The following PXDN variants were observed in gnomAD, a reference collection of about 807,000 sequenced individuals.
PXDN encodes the protein peroxidasin homolog.
A neutral mutation model predicts 140.3 loss-of-function variants in PXDN; 77 were observed. The ratio of observed to expected loss-of-function variants is 0.55; its 90% CI spans 0.46 to 0.66. PXDN has a LOEUF of 0.66. Ranked by LOEUF, PXDN falls within the 30% of genes least tolerant of loss-of-function variation. PXDN has a pLI of 0.00. For missense variants in PXDN, 1,838 were observed against 2,039.5 expected, an observed-to-expected ratio of 0.90 and a Z score of 1.90; for synonymous variants, 911 against 857.4, an observed-to-expected ratio of 1.06 and a Z score of -1.09.
chr2:1,658,442 AACT>A (rs1297234264), intron 14 of PXDN, among the ~76,000 whole-genome samples: 1 of 151,520 alleles, frequency 6.6e-6, no homozygotes, highest in Non-Finnish European at 1.5e-5. Context: ...AGTGCAAGCC[AACT>A]ACTGCCAGGC....
chr2:1,685,269 C>A lies in PXDN; in HGVS notation c.417-1118G>T, dbSNP rs921765118. ...CCGGGACAGGTCTGTGCTCAGCACT[C>A]CGCGCACGAATGGGAAACGTGAGGG... On this transcript the variant is annotated intron_variant, in intron 4 of 22. Transcript: ENST00000252804. The surrounding 1 kb of genome is among the most constrained non-coding windows in gnomAD (Gnocchi z 5.1). 2.6e-5 allele frequency among the ~76,000 whole-genome samples: 4 copies of A among 152,246 alleles called. No individual in the cohort carries two copies. Among genetic ancestry groups the A allele is most frequent in the African/African-American group, 9.6e-5 (4 of 41,466 alleles).
At chr2:1,686,095 G>A (rs774966417) in intron 4 of PXDN, among the ~76,000 whole-genome samples, 4 of 152,184 alleles carry the variant, frequency 2.6e-5, no homozygotes, top group Non-Finnish European at 5.9e-5. Flanking sequence ...CCGATCCGGG[G>A]AAGGGGTGCA....
At chr2:1,658,298 A>G (rs1439964830) in intron 14 of PXDN, among the ~76,000 whole-genome samples, 2 of 151,692 alleles carry the variant, frequency 1.3e-5, no homozygotes, top group Non-Finnish European at 2.9e-5. Flanking sequence ...CGTGGCTCTC[A>G]CCACCCACTC....
chr2:1,699,755 C>T (rs990426778), intron 1 of PXDN, among the ~76,000 whole-genome samples: 3 of 152,116 alleles, frequency 2.0e-5, no homozygotes, highest in African/African-American at 7.2e-5. Flanking sequence ...AAGAGTTTGC[C>T]AATTTGCCAA....
Position 1,648,237 on chromosome 2 carries a change from C to A in PXDN, c.3543G>T (p.Ala1181=). The change falls in exon 17 of 23, where the codon GCG becomes GCT. Residue 1181 remains alanine (A), a synonymous_variant. Coordinates refer to ENST00000252804, the MANE Select transcript of PXDN (RefSeq NM_012293.3). This position sits in a 1 kb window ranked among gnomAD's most constrained non-coding sequence, Gnocchi z 8.9. ...TTTTCAGGTCCTCGAACGTGTGTGCCGCCGATAGATTGCAGTAGACCCTGT... is the reference window on the plus strand; with the variant it reads ...TTTTCAGGTCCTCGAACGTGTGTGCAGCCGATAGATTGCAGTAGACCCTGT... ...HDYRVYCNLS[A]AHTFEDLKNE... 1 of 1,613,898 alleles carries A rather than the reference C, an allele frequency of 6.2e-7. No individual in the cohort carries two copies. Among genetic ancestry groups the A allele is most frequent in the Non-Finnish European group, 8.5e-7 (1 of 1,179,862 alleles).
Position 1,677,009 on chromosome 2 carries a change from C to T in PXDN, c.766G>A (p.Asp256Asn). The T allele has an allele frequency of 6.2e-7, 1 of 1,611,624 alleles. No individual in the cohort carries two copies. The highest frequency in any genetic ancestry group is 8.5e-7 in the Non-Finnish European group (1 of 1,178,528). Residue 256 changes from aspartate to asparagine, a missense_variant, in exon 8 of 23, where the codon GAT becomes AAT. Transcript: ENST00000252804. ...PRITSEPQDA[D>N]VTSGNTVYFT... is the part of the protein sequence containing the mutation. ...TACACGGTGTTCCCCGAGGTCACATCTGCGTCCTGGGGCTCGGAGGTGATC... is the reference window on the plus strand; with the variant it reads ...TACACGGTGTTCCCCGAGGTCACATTTGCGTCCTGGGGCTCGGAGGTGATC...
In PXDN at chr2:1,679,273, T is replaced by C. The variant is rs937980567; in HGVS notation, c.730+920A>G. Among the ~76,000 whole-genome samples the C allele has an allele frequency of 3.4e-5, 5 of 148,260 alleles. No homozygotes were observed. The South Asian group carries it at 1.1e-3, about 32-fold the overall frequency. ...TGTGCGTGTGTGGTGTGTGTGTGGA[T>C]TGTATGTGCATGTGTGTGTGGATGG... is the stretch of plus-strand genomic sequence containing the variant. On this transcript the variant is annotated intron_variant, in intron 7 of 22. Coordinates refer to ENST00000252804, the MANE Select transcript of PXDN (RefSeq NM_012293.3).
chr2:1,668,639 A>T (rs1403876242), intron 9 of PXDN, among the ~76,000 whole-genome samples: 2 of 152,094 alleles, frequency 1.3e-5, no homozygotes, highest in East Asian at 3.8e-4. Context: ...AAGTGGGTTA[A>T]GGATATGAAC....
intron 1 of PXDN, among the ~76,000 whole-genome samples, chr2:1,725,320 A>G (rs1017795548): frequency 9.2e-5 from 14 of 152,214 alleles, no homozygotes; most frequent in African/African-American, 3.4e-4. Context: ...AAAACAAGCA[A>G]TGGGGAAAGG....
chr2:1,716,506 G>A (rs902723176), intron 1 of PXDN, among the ~76,000 whole-genome samples: 10 of 150,598 alleles, frequency 6.6e-5, no homozygotes, highest in South Asian at 4.2e-4. Flanking sequence ...CCAGGACTGC[G>A]GCAAGGACTG....
In PXDN at chr2:1,649,261, C is replaced by A. The variant is rs746533208; in HGVS notation, c.2519G>T (p.Arg840Leu). 2 of 1,613,116 alleles carry A rather than the reference C, an allele frequency of 1.2e-6. No homozygotes were observed. Among genetic ancestry groups the A allele is most frequent in the South Asian group, 2.2e-5 (2 of 90,980 alleles). The change falls in exon 17 of 23, where the codon CGC becomes CTC. Residue 840 changes from arginine (R) to leucine (L), a missense_variant. By Grantham distance (102) the Arg-to-Leu change is moderately radical. This residue lies in a region of PXDN where 850 missense variants were observed against 894.1 expected (regional missense o/e 0.95). Transcript: ENST00000252804. This position sits in a 1 kb window ranked among gnomAD's most constrained non-coding sequence, Gnocchi z 7.1. Reference sequence around the variant, plus strand: ...GCTGCAGTGCTGTCCGTCGGAGAAGCGTGCCTGGCTCAGGGCCACCACCGT... The same window carrying A: ...GCTGCAGTGCTGTCCGTCGGAGAAGAGTGCCTGGCTCAGGGCCACCACCGT... ...DSTVVALSQA[R>L]FSDGQHCSNV...
At chr2:1,671,884 T>C (rs992629219) in intron 9 of PXDN, among the ~76,000 whole-genome samples, 10 of 152,382 alleles carry the variant, frequency 6.6e-5, no homozygotes, top group African/African-American at 2.4e-4. Flanking sequence ...ATAGACATTG[T>C]GCAGAAGAAT....
Position 1,660,754 on chromosome 2 carries a change from A to G in PXDN, c.1837+127T>C. On this transcript the variant is annotated intron_variant, in intron 14 of 22. Transcript: ENST00000252804. The surrounding 1 kb of genome is among the most constrained non-coding windows in gnomAD (Gnocchi z 4.6). ...ATCAGGAGAGTGTCCCCACCTGGGA[A>G]TCAAGGGTGCTTTGTCTTCTGAATA... The G allele has an allele frequency of 1.6e-6, 2 of 1,257,040 alleles. No individual in the cohort carries two copies. The highest frequency in any genetic ancestry group is 2.1e-6 in the Non-Finnish European group (2 of 931,558). The allele number at this position is 1,257,040 out of a possible 1,614,324, so 77.9% of individuals were successfully genotyped here.
intron 1 of PXDN, among the ~76,000 whole-genome samples, chr2:1,702,992 G>GGGCAACTCCAGGTGAAAGA (rs1684474113): frequency 1.0e-5 from 1 of 99,654 alleles, no homozygotes; most frequent in African/African-American, 5.5e-5. Context: ...AGGTGAAGGG[G>GGGCAACTCCAGGTGAAAGA]GGGACAACTC....
At chr2:1,738,367 G>T (rs745799654) in intron 1 of PXDN, among the ~76,000 whole-genome samples, 8 of 152,108 alleles carry the variant, frequency 5.3e-5, no homozygotes, top group Non-Finnish European at 1.2e-4. Flanking sequence ...GAGATCACTC[G>T]ATTCCCAGCC....
rs373594123 is a variant in PXDN, at chr2:1,635,503, G to A, written c.4225C>T (p.Arg1409Trp). 2.1e-5 allele frequency: 34 copies of A among 1,590,906 alleles called. No individual in the cohort carries two copies. Among genetic ancestry groups the A allele is most frequent in the African/African-American group, 4.0e-5 (3 of 74,684 alleles). Residue 1409 changes from arginine (R) to tryptophan (W), a missense_variant, in exon 22 of 23, where the codon CGG (arginine) becomes TGG (tryptophan). Transcript: ENST00000252804. ...TCCACGCACTCTGTGGTACTGAGCC[G>A]TGATTCAAGTTTCTTTATCTGCAGC... is the stretch of plus-strand genomic sequence containing the variant. Reference protein sequence around the residue: ...LRTQIKKLESRLSTTECVDAG... With the variant: ...LRTQIKKLESWLSTTECVDAG...
rs550784477 is a variant in PXDN, at chr2:1,716,440, G to GAAAAAA, written c.201-23312_201-23307dup. 1.0e-4 allele frequency among the ~76,000 whole-genome samples: 6 copies of GAAAAAA among 58,196 alleles called. 2 individuals carry two copies. Among genetic ancestry groups the GAAAAAA allele is most frequent in the African/African-American group, 1.8e-4 (3 of 17,010 alleles). The allele number at this position is 58,196 out of a possible 152,430, so 38.2% of individuals were successfully genotyped here. A position where few individuals can be genotyped will look rare whatever the true frequency, so the allele number is the denominator to read the frequency against. ...GCAACAGAGTGAGACTCCATCTCAGGAAAAAAAAAAAAAAAAAAAAAAAAA... is the reference window on the plus strand; with the variant it reads ...GCAACAGAGTGAGACTCCATCTCAGGAAAAAAAAAAAAAAAAAAAAAAAAAAAAAAA... On this transcript the variant is annotated intron_variant, in intron 1 of 22. Coordinates refer to ENST00000252804, the MANE Select transcript of PXDN (RefSeq NM_012293.3).
rs777638634 is a variant in PXDN at position 1,635,473 on chromosome 2, C to T, written c.4255G>A (p.Gly1419Arg). Residue 1419 changes from glycine (G) to arginine (R), a missense_variant, in exon 22 of 23, where the codon GGG becomes AGG. Gly to Arg is a moderately radical substitution (Grantham distance 125, BLOSUM62 -2). Coordinates refer to ENST00000252804, the MANE Select transcript of PXDN (RefSeq NM_012293.3). ...RLSTTECVDAGGESHANNTKW... is the reference protein window; with the variant it reads ...RLSTTECVDARGESHANNTKW... ...GTGTTGTTGGCGTGAGATTCGCCCC[C>T]GGCATCCACGCACTCTGTGGTACTG... The T allele has an allele frequency of 4.4e-5, 71 of 1,601,378 alleles. No individual in the cohort carries two copies. The highest frequency in any genetic ancestry group is 5.7e-5 in the Non-Finnish European group (67 of 1,173,452).
In PXDN at chr2:1,665,374, C is replaced by T. The variant is rs530045867; in HGVS notation, c.1292-300G>A. 5.1e-4 allele frequency among the ~76,000 whole-genome samples: 77 copies of T among 152,268 alleles called. 1 individual carries two copies. The highest frequency in any genetic ancestry group is 1.2e-3 in the South Asian group (6 of 4,822). ...ACACTGCAGCTCGTGGACACCAGGCCGACTTACAACGATTCCTCTCAATCC... is the reference window on the plus strand; with the variant it reads ...ACACTGCAGCTCGTGGACACCAGGCTGACTTACAACGATTCCTCTCAATCC... On this transcript the variant is annotated intron_variant, in intron 10 of 22. Transcript: ENST00000252804.
Sources: allele counts gnomAD v4.1 joint callset (sites outside exome capture counted in the v4.1 genomes callset), GRCh38; gene constraint gnomAD v4.1.1; regional missense constraint gnomAD v4.1.1; non-coding constraint Gnocchi (gnomAD v3.1); transcripts MANE v1.5; gene names NCBI Gene and HGNC (gene_info 2026-07-23, HGNC 2026-07-21).